Variants in NVL observed in about 807,000 individuals in gnomAD.
NVL encodes the protein nuclear valosin-containing protein-like.
NVL carries 84 observed loss-of-function variants against 110.2 expected under a neutral mutation model. The ratio of observed to expected loss-of-function variants is 0.76; its 90% confidence interval spans 0.64 to 0.91. The LOEUF (loss-of-function observed/expected upper bound fraction) is 0.91. NVL is among the 40% of genes least tolerant of loss of function. The pLI, the probability that NVL is intolerant of heterozygous loss-of-function variation, is 0.00. For missense variants in NVL, 882 were observed against 1,035.9 expected (o/e 0.85, Z 2.04); for synonymous variants, 354 against 361.1 (o/e 0.98, Z 0.22).
intron 22 of NVL, among the ~76,000 whole-genome samples, chr1:224,229,874 G>C (rs375560471): frequency 1.3e-5 from 2 of 151,972 alleles, no homozygotes; most frequent in African/African-American, 2.4e-5. Flanking sequence ...TTCTGTAACC[G>C]AGGCTGGAGT....
intron 19 of NVL, among the ~76,000 whole-genome samples, chr1:224,249,534 G>C (rs967444302): frequency 8.5e-5 from 13 of 152,124 alleles, no homozygotes; most frequent in Non-Finnish European, 1.5e-4. Flanking sequence ...CACGAGGTCA[G>C]GAGATCGAGA....
intron 14 of NVL, among the ~76,000 whole-genome samples, chr1:224,287,221 T>C (rs2102621536): frequency 1.3e-5 from 2 of 152,136 alleles, no homozygotes; most frequent in Middle Eastern, 3.4e-3. Context: ...ATAAAGTGGA[T>C]CTCATGGAGA....
rs556124314 is a variant in NVL, at chr1:224,286,058, G to A, written c.1867C>T (p.Pro623Ser). Residue 623 changes from proline (P) to serine (S), a missense_variant, in exon 15 of 23, where the codon CCT (proline) becomes TCT (serine). Pro to Ser is a moderately conservative substitution (Grantham distance 74). This residue lies in a region of NVL where 416 missense variants were observed against 499.3 expected (regional missense o/e 0.83). Transcript: ENST00000281701. ...AGCAGAGTCTTCCCACAGCCAGGAG[G>A]ACCAGCAAGGAGGACCCCAGCTGGA... ...VTPAGVLLAG[P>S]PGCGKTLLAK... 1 of 1,613,808 alleles carries A rather than the reference G, an allele frequency of 6.2e-7. No individual in the cohort carries two copies. Among genetic ancestry groups the A allele is most frequent in the Non-Finnish European group, 8.5e-7 (1 of 1,179,916 alleles).
chr1:224,235,522 C>T (rs1263851876), intron 20 of NVL, among the ~76,000 whole-genome samples: 3 of 152,078 alleles, frequency 2.0e-5, no homozygotes, highest in African/African-American at 7.2e-5. Flanking sequence ...GGGTGAGGCA[C>T]ATCCTATTTA....
chr1:224,310,912 T>C (rs1225945400), intron 5 of NVL, among the ~76,000 whole-genome samples: 2 of 152,152 alleles, frequency 1.3e-5, no homozygotes, highest in African/African-American at 4.8e-5. Flanking sequence ...TATTTGTTTT[T>C]TGTAGAGACA....
At position 224,227,466 on chromosome 1, in the gene NVL, G is replaced by C; in HGVS notation, c.*160C>G. 1 of 480,944 alleles carries C rather than the reference G, an allele frequency of 2.1e-6. No individual in the cohort carries two copies. Among genetic ancestry groups the C allele is most frequent in the East Asian group, 3.6e-5 (1 of 28,128 alleles). 29.8% of individuals were successfully genotyped at this position (480,944 alleles called of 1,614,324 possible). A position where few individuals can be genotyped will look rare whatever the true frequency, so the allele number is the denominator to read the frequency against. On this transcript the variant is annotated 3_prime_UTR_variant, in exon 23 of 23. Transcript: ENST00000281701. ...TCACACAAGGCTGGCCAGATGGGAA[G>C]AATCTTCAGCTTCAGCTTCAGCTTG... is the stretch of plus-strand genomic sequence containing the variant.
chr1:224,286,218 T>G, intron 14 of NVL, 88 bp from the exon 15 acceptor site: 1 of 984,362 alleles, frequency 1.0e-6, no homozygotes, highest in Admixed American at 2.5e-5. Flanking sequence ...TTTTATGGTT[T>G]TTTTTTTTTT....
intron 8 of NVL, among the ~76,000 whole-genome samples, chr1:224,304,351 G>A (rs1668711393): frequency 6.6e-6 from 1 of 152,072 alleles, no homozygotes; most frequent in South Asian, 2.1e-4. Flanking sequence ...CTTGAACCTG[G>A]GAGGCGGAGG....
chr1:224,301,563 G>T, intron 9 of NVL: 2 of 186,570 alleles, frequency 1.1e-5, no homozygotes, highest in South Asian at 6.4e-5. Flanking sequence ...AGGTGTGGAC[G>T]CCCATGCCTG....
intron 9 of NVL, among the ~76,000 whole-genome samples, chr1:224,301,038 G>A (rs929115679): frequency 2.0e-5 from 3 of 151,732 alleles, no homozygotes; most frequent in East Asian, 1.9e-4. Context: ...CCTGGGAGGC[G>A]GAGGTTGTAG....
chr1:224,276,325 C>T (rs1347817160), intron 16 of NVL, among the ~76,000 whole-genome samples: 1 of 152,084 alleles, frequency 6.6e-6, no homozygotes, highest in African/African-American at 2.4e-5. Flanking sequence ...AACCTCCACG[C>T]CCCCAGGCTC....
intron 18 of NVL, among the ~76,000 whole-genome samples, chr1:224,252,203 G>A (rs1662582510): frequency 6.6e-6 from 1 of 151,822 alleles, no homozygotes; most frequent in Non-Finnish European, 1.5e-5. Context: ...ATACCTGTGG[G>A]AATTCTCAAA....
chr1:224,235,653 G>A (rs945284862), intron 20 of NVL, among the ~76,000 whole-genome samples: 4 of 151,982 alleles, frequency 2.6e-5, no homozygotes, highest in African/African-American at 4.8e-5. Flanking sequence ...AAAAAGGGCC[G>A]GGTGTGGTGG....
chr1:224,323,169 A>G (rs986780591), intron 2 of NVL, among the ~76,000 whole-genome samples: 2 of 152,154 alleles, frequency 1.3e-5, no homozygotes, highest in Non-Finnish European at 2.9e-5. Flanking sequence ...GTGGCAGAGG[A>G]CTTGTGTTTT....
In NVL at chr1:224,325,312, G is replaced by A. The variant is rs563061073; in HGVS notation, c.131+1079C>T. On this transcript the variant is annotated intron_variant, in intron 2 of 22. Coordinates refer to ENST00000281701, the MANE Select transcript of NVL (RefSeq NM_002533.4). ...GCTGGCTGGGCATGGTGGCTCATGCGTGTCATCCTAGCACTTAGGGAGGCG... is the reference window on the plus strand; with the variant it reads ...GCTGGCTGGGCATGGTGGCTCATGCATGTCATCCTAGCACTTAGGGAGGCG... Among the ~76,000 whole-genome samples, 320 of 151,226 alleles carry A rather than the reference G, an allele frequency of 2.1e-3. 1 individual carries two copies. In the Middle Eastern group the frequency reaches 0.034, roughly 16 times the overall value.
chr1:224,295,366 TA>T (rs1410904981), intron 11 of NVL, among the ~76,000 whole-genome samples: 1 of 151,894 alleles, frequency 6.6e-6, no homozygotes, highest in African/African-American at 2.4e-5. Context: ...CTAATTTTTT[TA>T]TTTTTTTATT....
intron 19 of NVL, among the ~76,000 whole-genome samples, chr1:224,240,902 T>C (rs1477977868): frequency 2.7e-5 from 4 of 149,970 alleles, no homozygotes; most frequent in Non-Finnish European, 4.4e-5. Context: ...GAGATTCTCC[T>C]GCCTCAGCTT....
chr1:224,299,469 G>A (rs1273243568), intron 10 of NVL, among the ~76,000 whole-genome samples: 3 of 152,154 alleles, frequency 2.0e-5, no homozygotes, highest in Non-Finnish European at 2.9e-5. Context: ...CAGGAAAAGC[G>A]GGGTGCTAGG....
At chr1:224,256,965 C>A (rs894463970) in intron 18 of NVL, 1 of 471,052 alleles carries the variant, frequency 2.1e-6, no homozygotes, top group East Asian at 6.5e-5. Flanking sequence ...AAACCACCAC[C>A]ACCTTGCACC....
Sources: allele counts gnomAD v4.1 joint callset (sites outside exome capture counted in the v4.1 genomes callset), GRCh38; gene constraint gnomAD v4.1.1; regional missense constraint gnomAD v4.1.1; transcripts MANE v1.5; gene names NCBI Gene and HGNC (gene_info 2026-07-23, HGNC 2026-07-21).